Variants in COMMD10 observed in about 807,000 individuals in gnomAD.
COMMD10 encodes COMM domain containing 10.
In COMMD10, 33 loss-of-function variants were observed where a neutral mutation model predicts 28.9. That is an observed-to-expected ratio of 1.14 (90% CI 0.87 to 1.53). The LOEUF (loss-of-function observed/expected upper bound fraction) is 1.53. Ranked by LOEUF, COMMD10 falls within the 40% of genes most tolerant of loss-of-function variation. The pLI, the probability that COMMD10 is intolerant of heterozygous loss-of-function variation, is 0.00. For missense variants in COMMD10, 310 were observed against 233.4 expected, an observed-to-expected ratio of 1.33 and a Z score of -2.14; for synonymous variants, 110 against 81.7, an observed-to-expected ratio of 1.35 and a Z score of -1.87.
chr5:116,099,944 G>T (rs1750602600), intron 4 of COMMD10, among the ~76,000 whole-genome samples: 1 of 152,052 alleles, frequency 6.6e-6, no homozygotes, highest in South Asian at 2.1e-4. Flanking sequence ...TTGAATTTTG[G>T]AATATTTGCA....
chr5:116,184,830 C>G (rs1580530285), intron 5 of COMMD10, among the ~76,000 whole-genome samples: 1 of 152,046 alleles, frequency 6.6e-6, no homozygotes, highest in East Asian at 1.9e-4. Flanking sequence ...TTGTTAAATT[C>G]ATGAATCTTG....
At chr5:116,134,245 C>A in intron 5 of COMMD10, 67 bp downstream of exon 5, 1 of 848,258 alleles carries the variant, frequency 1.2e-6, no homozygotes, top group Non-Finnish European at 2.0e-6. Context: ...TTATTCTTAG[C>A]AGTCTTTGCT....
intron 5 of COMMD10, among the ~76,000 whole-genome samples, chr5:116,193,095 C>T (rs551478676): frequency 1.1e-4 from 17 of 152,182 alleles, no homozygotes; most frequent in South Asian, 1.0e-3. Context: ...TAGTCTTTTT[C>T]GGAAAAACAA....
intron 4 of COMMD10, among the ~76,000 whole-genome samples, chr5:116,131,557 C>A (rs1751863641): frequency 6.6e-6 from 1 of 151,958 alleles, no homozygotes; most frequent in Admixed American, 6.6e-5. Flanking sequence ...CATGTGAATA[C>A]TTCTCCTTGA....
chr5:116,101,596 T>C (rs1750661416), intron 4 of COMMD10, among the ~76,000 whole-genome samples: 1 of 152,016 alleles, frequency 6.6e-6, no homozygotes, highest in Non-Finnish European at 1.5e-5. Flanking sequence ...CCGGCTAATT[T>C]TTGTATTTTT....
chr5:116,181,968 A>C (rs1449155903), intron 5 of COMMD10, among the ~76,000 whole-genome samples: 2 of 152,120 alleles, frequency 1.3e-5, no homozygotes, highest in Non-Finnish European at 2.9e-5. Flanking sequence ...ATATTCTCTT[A>C]GGGGACATAT....
chr5:116,283,659 G>A (rs62384461), intron 5 of COMMD10, among the ~76,000 whole-genome samples: 1 of 151,296 alleles, frequency 6.6e-6, no homozygotes, highest in Non-Finnish European at 1.5e-5. Context: ...TTATTTTGAG[G>A]CCTGGCCTCA....
chr5:116,245,933 G>T (rs1340960576), intron 5 of COMMD10, among the ~76,000 whole-genome samples: 1 of 152,070 alleles, frequency 6.6e-6, no homozygotes, highest in East Asian at 1.9e-4. Context: ...ACAAAACAAG[G>T]ATGCCCTCTC....
chr5:116,288,880 T>TG (rs1751288587), intron 5 of COMMD10, among the ~76,000 whole-genome samples: 1 of 138,762 alleles, frequency 7.2e-6, no homozygotes, highest in Admixed American at 7.2e-5. Context: ...CTCTTTTTTT[T>TG]TTTTTTTTTT....
intron 5 of COMMD10, among the ~76,000 whole-genome samples, chr5:116,243,912 C>T (rs1749874684): frequency 6.6e-6 from 1 of 152,132 alleles, no homozygotes; most frequent in African/African-American, 2.4e-5. Flanking sequence ...ATACTATCCC[C>T]ACTCCCCATA....
chr5:116,090,029 G>C (rs1367494704), intron 2 of COMMD10, among the ~76,000 whole-genome samples: 1 of 152,174 alleles, frequency 6.6e-6, no homozygotes. Flanking sequence ...GAGGTTTAGG[G>C]ATTTTGTTGC....
chr5:116,212,523 T>TGTGTGTGTGTGTG (rs1580552963), intron 5 of COMMD10, among the ~76,000 whole-genome samples: 15 of 71,614 alleles, frequency 2.1e-4, no homozygotes, highest in Middle Eastern at 8.5e-3. Context: ...TGTGTGTGTG[T>TGTGTGTGTGTGTG]AGAATGTGAG....
chr5:116,233,236 ACT>A (rs1749572843), intron 5 of COMMD10, among the ~76,000 whole-genome samples: 1 of 151,828 alleles, frequency 6.6e-6, no homozygotes, highest in African/African-American at 2.4e-5. Flanking sequence ...CATTCTCATG[ACT>A]CTTATTACAG....
chr5:116,272,358 A>G (rs1750783317), intron 5 of COMMD10, among the ~76,000 whole-genome samples: 1 of 151,888 alleles, frequency 6.6e-6, no homozygotes, highest in Admixed American at 6.6e-5. Context: ...GCTCTGTGTG[A>G]TTAGAGGAAT....
At chr5:116,112,745 C>T (rs1017969793) in intron 4 of COMMD10, among the ~76,000 whole-genome samples, 1 of 152,060 alleles carries the variant, frequency 6.6e-6, no homozygotes, top group Admixed American at 6.6e-5. Flanking sequence ...TTTAGTAGGA[C>T]ATTTAATCCA....
At chr5:116,121,061 C>T (rs1751414057) in intron 4 of COMMD10, among the ~76,000 whole-genome samples, 1 of 151,950 alleles carries the variant, frequency 6.6e-6, no homozygotes, top group Admixed American at 6.6e-5. Flanking sequence ...TATACATGTG[C>T]CATGTTGTTA....
chr5:116,112,943 A>G (rs745606159), intron 4 of COMMD10, among the ~76,000 whole-genome samples: 2 of 152,182 alleles, frequency 1.3e-5, no homozygotes, highest in African/African-American at 4.8e-5. Flanking sequence ...TGTTTTCACA[A>G]TGATAAATAT....
rs775518806 is a variant in COMMD10, at chr5:116,193,878, C to A, written c.510+59700C>A. 5.3e-5 allele frequency among the ~76,000 whole-genome samples: 8 copies of A among 152,112 alleles called. No individual in the cohort carries two copies. The East Asian group carries it at 1.5e-3, about 29-fold the overall frequency. On this transcript the variant is annotated intron_variant, in intron 5 of 6. Transcript: ENST00000274458. ...AGAATATGCATTCTATTCAACAGTGCATGCAACTTTTTCCAAGATAGACCA... is the reference window on the plus strand; with the variant it reads ...AGAATATGCATTCTATTCAACAGTGAATGCAACTTTTTCCAAGATAGACCA...
At chr5:116,266,558 A>C (rs1750590058) in intron 5 of COMMD10, among the ~76,000 whole-genome samples, 1 of 151,782 alleles carries the variant, frequency 6.6e-6, no homozygotes, top group South Asian at 2.1e-4. Flanking sequence ...CTTCTATTAC[A>C]CTCTTTAATT....
Sources: gnomAD v4.1 joint callset for allele counts (sites outside exome capture counted in the v4.1 genomes callset) on GRCh38, gnomAD v4.1.1 for gene constraint, MANE v1.5 for transcripts, NCBI Gene and HGNC (gene_info 2026-07-23, HGNC 2026-07-21) for gene names.